CAMTA1: variants seen among roughly 807,000 people sequenced by gnomAD.
The protein encoded by CAMTA1 is calmodulin-binding transcription activator 1.
Under a neutral mutation model 170.9 loss-of-function variants are expected in CAMTA1, and 27 were observed. The observed-to-expected ratio is 0.16, with a 90% CI of 0.12 to 0.22. The LOEUF (loss-of-function observed/expected upper bound fraction) is 0.22, where lower values mean the gene tolerates loss of function less well. Ranked by LOEUF, CAMTA1 falls within the 10% of genes least tolerant of loss-of-function variation. The pLI is 1.00. For synonymous variants in CAMTA1, 833 were observed against 891.5 expected (o/e 0.93, Z 1.17); for missense variants, 1,619 against 2,217.2 (o/e 0.73, Z 5.42).
At chr1:7,238,921 G>C (rs369171543) in intron 4 of CAMTA1, among the ~76,000 whole-genome samples, 2 of 152,194 alleles carry the variant, frequency 1.3e-5, no homozygotes, top group East Asian at 1.9e-4. Context: ...AGCTATCGTG[G>C]CCGAGCATTC....
intron 4 of CAMTA1, among the ~76,000 whole-genome samples, chr1:7,110,234 T>C (rs1643932408): frequency 6.6e-6 from 1 of 152,152 alleles, no homozygotes; most frequent in Non-Finnish European, 1.5e-5. Flanking sequence ...CTGGGCCATG[T>C]AACCCTTTAT....
Position 7,435,277 on chromosome 1 carries a change from A to G in CAMTA1, c.439-32553A>G, listed in dbSNP as rs2092310103. On this transcript the variant is annotated intron_variant, in intron 5 of 22. Transcript: ENST00000303635. The surrounding 1 kb of genome is among the most constrained non-coding windows in gnomAD (Gnocchi z 4.4). Reference sequence around the variant, plus strand: ...CCTAGACCTGCTGAGCTCACAGTCCAGTGGGGAGATCAGGCCCCAGGCTGC... The same window carrying G: ...CCTAGACCTGCTGAGCTCACAGTCCGGTGGGGAGATCAGGCCCCAGGCTGC... Among the ~76,000 whole-genome samples, 2 of 152,158 alleles carry G rather than the reference A, an allele frequency of 1.3e-5. No homozygotes were observed. The highest frequency in any genetic ancestry group is 2.9e-5 in the Non-Finnish European group (2 of 68,026).
intron 6 of CAMTA1, among the ~76,000 whole-genome samples, chr1:7,556,426 C>G (rs1051179337): frequency 6.6e-6 from 1 of 152,222 alleles, no homozygotes; most frequent in African/African-American, 2.4e-5. Context: ...GGCATGACGA[C>G]TGTGCCTTCT....
intron 5 of CAMTA1, among the ~76,000 whole-genome samples, chr1:7,436,566 C>G (rs1321861784): frequency 6.6e-6 from 1 of 152,160 alleles, no homozygotes; most frequent in Non-Finnish European, 1.5e-5. Flanking sequence ...GTGGGAGGAG[C>G]AGGGTGAGGT....
In CAMTA1 at chr1:7,592,733, ACCAG is replaced by A. The variant is rs968532817; in HGVS notation, c.511-47665_511-47662del. The stretch of plus-strand genomic sequence containing the variant: ...GACACACAGTGTCCTCATGGAGTCA[ACCAG>A]CATCTCCTGCATCCTCTACCTTGGA... On this transcript the variant is annotated intron_variant, in intron 6 of 22. Transcript: ENST00000303635. The surrounding 1 kb of genome is among the most constrained non-coding windows in gnomAD (Gnocchi z 4.6). 6.6e-6 allele frequency among the ~76,000 whole-genome samples: 1 copy of A among 152,114 alleles called. No homozygotes were observed. Among genetic ancestry groups the A allele is most frequent in the Admixed American group, 6.5e-5 (1 of 15,274 alleles).
chr1:7,525,091 G>A (rs1360606045), intron 6 of CAMTA1, among the ~76,000 whole-genome samples: 2 of 152,162 alleles, frequency 1.3e-5, no homozygotes, highest in African/African-American at 2.4e-5. Context: ...GGCCCCCGTC[G>A]CGCTGCATGA....
At chr1:6,874,233 T>C (rs947666063) in intron 3 of CAMTA1, 4 of 152,258 alleles carry the variant, frequency 2.6e-5, no homozygotes, top group Non-Finnish European at 5.9e-5. Context: ...ACCGGTGTGC[T>C]GAGAGGCAGT....
intron 5 of CAMTA1, among the ~76,000 whole-genome samples, chr1:7,359,730 T>C (rs1423956981): frequency 1.3e-5 from 2 of 152,142 alleles, no homozygotes; most frequent in Non-Finnish European, 2.9e-5. Flanking sequence ...CTCCAGCCTG[T>C]GTTCTTGGAA....
chr1:7,551,570 GC>G (rs1399344312), intron 6 of CAMTA1, among the ~76,000 whole-genome samples: 1 of 152,194 alleles, frequency 6.6e-6, no homozygotes, highest in Non-Finnish European at 1.5e-5. Context: ...GCTCCCAGCA[GC>G]CCCCTCCCCT....
chr1:7,158,621 G>C (rs756928130), intron 4 of CAMTA1, among the ~76,000 whole-genome samples: 10 of 152,102 alleles, frequency 6.6e-5, no homozygotes, highest in Non-Finnish European at 1.5e-4. Context: ...AAAATGGATC[G>C]ATGAATGCAC....
At chr1:7,703,367 T>C (rs1485188963) in intron 11 of CAMTA1, among the ~76,000 whole-genome samples, 1 of 152,072 alleles carries the variant, frequency 6.6e-6, no homozygotes, top group East Asian at 1.9e-4. Context: ...GATTGGAATA[T>C]GTACTGGGGC....
chr1:7,745,893 C>A lies in CAMTA1; in HGVS notation c.4419C>A (p.Ser1473Arg). 6.2e-7 allele frequency: 1 copy of A among 1,614,182 alleles called. No homozygotes were observed. Among genetic ancestry groups the A allele is most frequent in the African/African-American group, 1.3e-5 (1 of 75,044 alleles). The change falls in exon 18 of 23, where the codon AGC becomes AGA. Residue 1473 changes from serine (S) to arginine (R), a missense_variant. Physicochemically the swap from Ser to Arg is moderately radical, Grantham distance 110 (BLOSUM62 -1). This residue lies in a region of CAMTA1 where 370 missense variants were observed against 429.4 expected (regional missense o/e 0.86). Transcript: ENST00000303635. ...PLTPSSNTSL[S>R]PVGSPVSEIA... is the part of the protein sequence containing the mutation. ...CCCCTTCTTCTAATACCAGCTTGAG[C>A]CCTGTTGGCTCTCCCGTCAGTGAAA...
chr1:7,451,927 A>C (rs914425721), intron 5 of CAMTA1, among the ~76,000 whole-genome samples: 6 of 152,218 alleles, frequency 3.9e-5, no homozygotes, highest in African/African-American at 1.4e-4. Flanking sequence ...GCCCACAAGG[A>C]GTCAGCAGCC....
At chr1:7,206,885 A>G (rs529080064) in intron 4 of CAMTA1, among the ~76,000 whole-genome samples, 30 of 152,024 alleles carry the variant, frequency 2.0e-4, no homozygotes, top group Non-Finnish European at 3.2e-4. Context: ...TTCTGACCCA[A>G]ATGCTGCTTC....
chr1:7,417,872 G>A (rs556555637), intron 5 of CAMTA1, among the ~76,000 whole-genome samples: 8 of 152,240 alleles, frequency 5.3e-5, no homozygotes, highest in African/African-American at 1.2e-4. Context: ...TGTCGCTCAC[G>A]CTGGGAGCTA....
At position 7,664,621 on chromosome 1, in the gene CAMTA1, A is replaced by T. The variant is rs1310461179; in HGVS notation, c.2074A>T (p.Met692Leu). The change falls in exon 9 of 23, where the codon ATG becomes TTG. Residue 692 changes from methionine to leucine, a missense_variant. Met to Leu is a conservative substitution (Grantham distance 15). This residue lies in a region of CAMTA1 where 731 missense variants were observed against 907.6 expected (regional missense o/e 0.81). Transcript: ENST00000303635. The part of the protein sequence containing the change: ...QAMTAEGEVT[M>L]ETSQAAEGSE... Reference sequence around the variant, plus strand: ...CATGACGGCAGAAGGGGAGGTCACCATGGAGACCTCGCAGGCGGCGGAAGG... The same window carrying T: ...CATGACGGCAGAAGGGGAGGTCACCTTGGAGACCTCGCAGGCGGCGGAAGG... The T allele has an allele frequency of 1.9e-6, 3 of 1,608,860 alleles. No homozygotes were observed. In the Admixed American group the frequency reaches 5.0e-5, roughly 27 times the overall value.
chr1:7,640,372 A>C, intron 6 of CAMTA1, 28 bp from the exon 7 acceptor site: 1 of 1,611,890 alleles, frequency 6.2e-7, no homozygotes, highest in East Asian at 2.2e-5. Context: ...TGCCACCCTC[A>C]TGCTGCCAGT....
chr1:7,406,979 C>A (rs1320493930), intron 5 of CAMTA1, among the ~76,000 whole-genome samples: 2 of 152,244 alleles, frequency 1.3e-5, no homozygotes, highest in African/African-American at 4.8e-5. Flanking sequence ...CAGCCCCCAA[C>A]CACCTGTCTC....
At chr1:6,805,916 C>CATA (rs1295883206) in intron 1 of CAMTA1, among the ~76,000 whole-genome samples, 1 of 150,810 alleles carries the variant, frequency 6.6e-6, no homozygotes, top group Non-Finnish European at 1.5e-5. Flanking sequence ...CTTTTGGTAT[C>CATA]ATAATAAGAA....
Sources: gnomAD v4.1 joint callset for allele counts (sites outside exome capture counted in the v4.1 genomes callset) on GRCh38, gnomAD v4.1.1 for gene constraint, gnomAD v4.1.1 regional missense constraint, Gnocchi (gnomAD v3.1) non-coding constraint, MANE v1.5 for transcripts, NCBI Gene and HGNC (gene_info 2026-07-23, HGNC 2026-07-21) for gene names.